Variants in TET3 observed in about 807,000 individuals in gnomAD.
TET3 encodes the protein tet methylcytosine dioxygenase 3, also known as methylcytosine dioxygenase TET3.
A neutral mutation model predicts 141.4 loss-of-function variants in TET3; 19 were observed. The ratio of observed to expected loss-of-function variants is 0.13; its 90% confidence interval spans 0.09 to 0.20. TET3 has a LOEUF of 0.20. Among genes scored for constraint, TET3 ranks in the 10% least tolerant of loss-of-function variants. TET3 has a pLI of 1.00. For synonymous variants in TET3, 1,043 were observed against 980.9 expected (o/e 1.06, Z -1.18); for missense variants, 1,874 against 2,356.9 (o/e 0.80, Z 4.24).
At chr2:74,022,965 G>A (rs1284609735) in intron 3 of TET3, among the ~76,000 whole-genome samples, 1 of 151,960 alleles carries the variant, frequency 6.6e-6, no homozygotes, top group Admixed American at 6.5e-5. Flanking sequence ...TTGTGGAGAT[G>A]GGGTTTCACC....
the TET3 span, among the ~76,000 whole-genome samples, chr2:74,122,677 CTTTTT>C: frequency 1.9e-4 from 8 of 42,406 alleles, no homozygotes; most frequent in African/African-American, 1.0e-3. Flanking sequence ...CTACACCTAG[CTTTTT>C]TTTTTTTTTT....
At chr2:74,028,397 A>C (rs1039640086) in intron 3 of TET3, among the ~76,000 whole-genome samples, 1 of 152,070 alleles carries the variant, frequency 6.6e-6, no homozygotes, top group African/African-American at 2.4e-5. Context: ...AGTTCTGCCT[A>C]ATCCAAGATA....
chr2:74,124,215 T>TG, the TET3 span, among the ~76,000 whole-genome samples: 4,909 of 118,204 alleles, frequency 0.042, 273 homozygotes, highest in African/African-American at 0.14. Context: ...GGGAGGGAGG[T>TG]GGGGGGGTCA....
At chr2:74,035,036 C>CA (rs70965777) in intron 3 of TET3, among the ~76,000 whole-genome samples, 42,261 of 114,106 alleles carry the variant, frequency 0.37, 7,436 homozygotes, top group African/African-American at 0.51. Flanking sequence ...CTAAAAAATA[C>CA]AAAAAAAAAA....
Position 74,093,026 on chromosome 2 carries a change from C to A in TET3, c.3129+35C>A. 6.5e-7 allele frequency: 1 copy of A among 1,530,222 alleles called. No individual in the cohort carries two copies. The highest frequency in any genetic ancestry group is 1.2e-5 in the South Asian group (1 of 83,642). 94.8% of individuals were successfully genotyped at this position (1,530,222 alleles called of 1,614,324 possible). On this transcript the variant is annotated intron_variant, in intron 9 of 11. Coordinates refer to ENST00000409262, the MANE Select transcript of TET3 (RefSeq NM_001287491.2). This position sits in a 1 kb window ranked among gnomAD's most constrained non-coding sequence, Gnocchi z 4.2. ...CCTGGGCCTTTTGCTGCCCACATGT[C>A]ACCGTCCACATCTCTGCTCAGGCTC... is the stretch of plus-strand genomic sequence containing the variant.
chr2:74,064,151 G>A (rs1029438553), intron 4 of TET3, among the ~76,000 whole-genome samples: 9 of 151,964 alleles, frequency 5.9e-5, no homozygotes, highest in Admixed American at 5.2e-4. Context: ...CTCTGAAGTC[G>A]GGATATAGCT....
the TET3 span, among the ~76,000 whole-genome samples, chr2:74,133,419 G>A: frequency 1.3e-5 from 2 of 152,238 alleles, no homozygotes; most frequent in African/African-American, 4.8e-5. Flanking sequence ...GGCTCAACCT[G>A]CAGTCAGGAT....
At chr2:74,128,399 T>C in the TET3 span, among the ~76,000 whole-genome samples, 1 of 152,162 alleles carries the variant, frequency 6.6e-6, no homozygotes, top group South Asian at 2.1e-4. Context: ...TCGGAGAAAC[T>C]GCCACCGCCA....
intron 3 of TET3, among the ~76,000 whole-genome samples, chr2:74,034,116 G>C (rs1366731175): frequency 6.9e-4 from 104 of 149,976 alleles, no homozygotes; most frequent in Admixed American, 6.8e-3. Context: ...AAAAGAAAAA[G>C]AGACTTGCCC....
In TET3 at chr2:74,063,371, A is replaced by G. The variant is rs1012675124; in HGVS notation, c.2495-10178A>G. ...TGTCCAGCAAATAATTTGTCAGGCA[A>G]TACTTCACCACCATGTGATTATCCA... On this transcript the variant is annotated intron_variant, in intron 4 of 11. Coordinates refer to ENST00000409262, the MANE Select transcript of TET3 (RefSeq NM_001287491.2). 5.3e-5 allele frequency among the ~76,000 whole-genome samples: 8 copies of G among 152,250 alleles called. No homozygotes were observed. The East Asian group carries it at 1.2e-3, about 22-fold the overall frequency.
At chr2:74,059,741 T>A (rs1257699484) in intron 4 of TET3, among the ~76,000 whole-genome samples, 3 of 151,842 alleles carry the variant, frequency 2.0e-5, no homozygotes, top group Non-Finnish European at 4.4e-5. Context: ...AGAGACAAGG[T>A]CTCTCTTTGT....
intron 4 of TET3, among the ~76,000 whole-genome samples, chr2:74,063,050 A>C (rs1030389982): frequency 2.6e-5 from 4 of 151,728 alleles, no homozygotes; most frequent in African/African-American, 9.7e-5. Context: ...CGCCTGGCTA[A>C]TTTTTGTATT....
At chr2:74,096,184 T>C (rs930219456) in intron 10 of TET3, among the ~76,000 whole-genome samples, 3 of 152,202 alleles carry the variant, frequency 2.0e-5, no homozygotes, top group Non-Finnish European at 4.4e-5. Flanking sequence ...GTCTGTTGTT[T>C]ATAGCATTAG....
intron 3 of TET3, among the ~76,000 whole-genome samples, chr2:74,027,054 A>C (rs1374603506): frequency 6.6e-6 from 1 of 152,118 alleles, no homozygotes; most frequent in Non-Finnish European, 1.5e-5. Flanking sequence ...TTTCACTTTC[A>C]CTTGTAACCC....
chr2:74,013,120 G>A (rs992192847), intron 3 of TET3, among the ~76,000 whole-genome samples: 3 of 151,054 alleles, frequency 2.0e-5, no homozygotes, highest in East Asian at 2.0e-4. Flanking sequence ...TCAGCCTCCC[G>A]AGTAGCTGGG....
At chr2:74,053,614 T>C (rs1199469920) in intron 4 of TET3, among the ~76,000 whole-genome samples, 1 of 152,196 alleles carries the variant, frequency 6.6e-6, no homozygotes, top group Non-Finnish European at 1.5e-5. Context: ...CAGTTGATTG[T>C]TCTTCCCTGA....
At chr2:73,988,446 G>C (rs1380277800) in intron 2 of TET3, among the ~76,000 whole-genome samples, 3 of 152,238 alleles carry the variant, frequency 2.0e-5, no homozygotes, top group Non-Finnish European at 4.4e-5. Flanking sequence ...CTAAGTTGAA[G>C]TGCTGCTTTT....
chr2:74,073,683 A>C (rs1186639065), intron 5 of TET3, 44 bp downstream of exon 5: 2 of 1,485,498 alleles, frequency 1.3e-6, no homozygotes, highest in East Asian at 2.3e-5. Flanking sequence ...ATGTGCTGTT[A>C]ATGGAATACG....
At chr2:73,985,314 T>G (rs1380687487) in intron 1 of TET3, among the ~76,000 whole-genome samples, 157 bp downstream of exon 1, 1 of 61,946 alleles carries the variant, frequency 1.6e-5, no homozygotes, top group African/African-American at 6.1e-5. Context: ...CGGGGCGCTG[T>G]GCGGCTGAGC....
Sources: allele counts gnomAD v4.1 joint callset (sites outside exome capture counted in the v4.1 genomes callset), GRCh38; gene constraint gnomAD v4.1.1; non-coding constraint Gnocchi (gnomAD v3.1); transcripts MANE v1.5; gene names NCBI Gene and HGNC (gene_info 2026-07-23, HGNC 2026-07-21).